The following SLC41A2 variants were observed in gnomAD, a reference collection of about 807,000 sequenced individuals.
SLC41A2 encodes the protein SLC41A1-like 1.
A neutral mutation model predicts 58.3 loss-of-function variants in SLC41A2; 32 were observed. The ratio of observed to expected loss-of-function variants is 0.55; its 90% CI spans 0.41 to 0.74. The LOEUF (loss-of-function observed/expected upper bound fraction) is 0.74, where lower values mean the gene tolerates loss of function less well. Among genes scored for constraint, SLC41A2 ranks in the 30% least tolerant of loss-of-function variants. The pLI is 0.00. For synonymous variants in SLC41A2, 190 were observed against 235.0 expected (o/e 0.81, Z 1.75); for missense variants, 514 against 680.6 (o/e 0.76, Z 2.72).
intron 2 of SLC41A2, among the ~76,000 whole-genome samples, chr12:104,921,817 T>C (rs985533678): frequency 1.3e-5 from 2 of 152,094 alleles, no homozygotes; most frequent in Admixed American, 1.3e-4. Context: ...CAGCAACCCA[T>C]TAAGAGATAG....
intron 6 of SLC41A2, among the ~76,000 whole-genome samples, chr12:104,872,488 A>G (rs1230596208): frequency 6.6e-6 from 1 of 152,226 alleles, no homozygotes; most frequent in Non-Finnish European, 1.5e-5. Flanking sequence ...AATCCCAGCA[A>G]TTTGGGAGGC....
chr12:104,839,429 T>G (rs2042326273), intron 10 of SLC41A2, among the ~76,000 whole-genome samples: 1 of 152,070 alleles, frequency 6.6e-6, no homozygotes, highest in African/African-American at 2.4e-5. Context: ...GAGATTTGAA[T>G]AGTAATAGAC....
chr12:104,910,068 A>T (rs1318443696), intron 2 of SLC41A2, among the ~76,000 whole-genome samples: 1 of 152,184 alleles, frequency 6.6e-6, no homozygotes, highest in East Asian at 1.9e-4. Context: ...TTATGATGAC[A>T]ATCGTTAGAC....
At chr12:104,855,968 G>C (rs1280936197) in intron 8 of SLC41A2, among the ~76,000 whole-genome samples, 1 of 131,034 alleles carries the variant, frequency 7.6e-6, no homozygotes. Flanking sequence ...GATGTGTCAA[G>C]ACTAGGGATA....
At chr12:104,826,007 G>C (rs12307200) in intron 10 of SLC41A2, among the ~76,000 whole-genome samples, 2,438 of 152,238 alleles carry the variant, frequency 0.016, 58 homozygotes, top group African/African-American at 0.056. Flanking sequence ...CAGGGCTCAG[G>C]GATAAGAGGT....
chr12:104,939,078 G>A (rs2047398893), intron 1 of SLC41A2, among the ~76,000 whole-genome samples: 1 of 152,164 alleles, frequency 6.6e-6, no homozygotes, highest in Non-Finnish European at 1.5e-5. Flanking sequence ...TTAGATTTAT[G>A]GAAAAGTTCA....
chr12:104,953,170 T>C (rs2048021646), intron 1 of SLC41A2, among the ~76,000 whole-genome samples: 1 of 152,236 alleles, frequency 6.6e-6, no homozygotes, highest in Admixed American at 6.5e-5. Flanking sequence ...TTGAATAATC[T>C]ATATATTTAA....
intron 1 of SLC41A2, among the ~76,000 whole-genome samples, chr12:104,947,783 G>T (rs1349266405): frequency 6.6e-6 from 1 of 152,026 alleles, no homozygotes; most frequent in Non-Finnish European, 1.5e-5. Flanking sequence ...TAAGGAACTA[G>T]CCCTAATACT....
intron 10 of SLC41A2, among the ~76,000 whole-genome samples, chr12:104,814,569 C>G (rs1202582505): frequency 6.6e-6 from 1 of 151,952 alleles, no homozygotes; most frequent in Non-Finnish European, 1.5e-5. Flanking sequence ...ATTGAAGAAG[C>G]TCTATCACTG....
At chr12:104,832,490 A>C (rs567643717) in intron 10 of SLC41A2, among the ~76,000 whole-genome samples, 184 of 152,304 alleles carry the variant, frequency 1.2e-3, no homozygotes, top group Middle Eastern at 6.8e-3. Flanking sequence ...AGTCAATTGG[A>C]CAATTTGAAC....
intron 1 of SLC41A2, among the ~76,000 whole-genome samples, chr12:104,937,755 C>T (rs117671180): frequency 5.0e-4 from 76 of 152,256 alleles, no homozygotes; most frequent in East Asian, 1.5e-3. Context: ...TCAGTCAGCT[C>T]CCATCCCAAC....
chr12:104,917,309 A>C (rs2046371764), intron 2 of SLC41A2, among the ~76,000 whole-genome samples: 1 of 151,156 alleles, frequency 6.6e-6, no homozygotes, highest in South Asian at 2.1e-4. Context: ...GGCAATCATT[A>C]AAAAGTCAGG....
At chr12:104,843,113 C>T (rs1373740695) in intron 10 of SLC41A2, among the ~76,000 whole-genome samples, 1 of 152,004 alleles carries the variant, frequency 6.6e-6, no homozygotes, top group African/African-American at 2.4e-5. Context: ...ATATTACTCC[C>T]CAGGTAGAGG....
chr12:104,812,714 G>A (rs1003838135), intron 10 of SLC41A2, among the ~76,000 whole-genome samples: 9 of 152,088 alleles, frequency 5.9e-5, no homozygotes, highest in African/African-American at 2.2e-4. Flanking sequence ...CTGTGCAGTG[G>A]CCCGGGGCAC....
chr12:104,809,173 A>G (rs928504426), intron 10 of SLC41A2, among the ~76,000 whole-genome samples: 1 of 152,158 alleles, frequency 6.6e-6, no homozygotes, highest in Admixed American at 6.5e-5. Flanking sequence ...CACACAATAA[A>G]CTTTCAATAA....
intron 10 of SLC41A2, among the ~76,000 whole-genome samples, chr12:104,837,445 C>G (rs1280210300): frequency 6.6e-6 from 1 of 152,068 alleles, no homozygotes; most frequent in Non-Finnish European, 1.5e-5. Flanking sequence ...TTGCTCAACA[C>G]CTCCCTGGAA....
At chr12:104,946,279 T>G (rs2047715509) in intron 1 of SLC41A2, among the ~76,000 whole-genome samples, 1 of 152,206 alleles carries the variant, frequency 6.6e-6, no homozygotes, top group South Asian at 2.1e-4. Flanking sequence ...TTTCTTTTTT[T>G]GTAGAGACAT....
intron 8 of SLC41A2, among the ~76,000 whole-genome samples, chr12:104,854,276 A>G (rs952197523): frequency 3.3e-4 from 50 of 151,716 alleles, no homozygotes; most frequent in African/African-American, 1.2e-3. Flanking sequence ...ATTGAAAAAC[A>G]CCGCCGGCTG....
chr12:104,805,939 TATAA>T (rs2040877778), intron 10 of SLC41A2, among the ~76,000 whole-genome samples: 1 of 152,220 alleles, frequency 6.6e-6, no homozygotes, highest in Non-Finnish European at 1.5e-5. Context: ...AGATGCTGTA[TATAA>T]ATATTTTCTA....
Sources: gnomAD v4.1 joint callset for allele counts (sites outside exome capture counted in the v4.1 genomes callset) on GRCh38, gnomAD v4.1.1 for gene constraint, MANE v1.5 for transcripts, NCBI Gene and HGNC (gene_info 2026-07-23, HGNC 2026-07-21) for gene names.